The following KIZ variants were observed in gnomAD, a reference collection of about 807,000 sequenced individuals.
KIZ encodes the protein kizuna centrosomal protein, also known as centrosomal protein kizuna.
Under a neutral mutation model 79.6 loss-of-function variants are expected in KIZ, and 68 were observed. That is an observed-to-expected ratio of 0.85 (90% CI 0.70 to 1.05). KIZ has a LOEUF of 1.05. KIZ is among the 50% of genes least tolerant of loss of function. The pLI is 0.00. For missense variants in KIZ, 797 were observed against 800.4 expected, an observed-to-expected ratio of 1.00 and a Z score of 0.05; for synonymous variants, 280 against 281.8, an observed-to-expected ratio of 0.99 and a Z score of 0.06.
rs1395252911 is a variant in KIZ, at chr20:21,132,086, T to C, written c.90-11T>C. The C allele has an allele frequency of 2.6e-6, 3 of 1,145,424 alleles. No homozygotes were observed. Among genetic ancestry groups the C allele is most frequent in the Non-Finnish European group, 3.8e-6 (3 of 786,886 alleles). 71.0% of individuals were successfully genotyped at this position (1,145,424 alleles called of 1,614,324 possible). On this transcript the variant is annotated splice_polypyrimidine_tract_variant and intron_variant, in intron 1 of 12. Coordinates refer to ENST00000619189, the MANE Select transcript of KIZ (RefSeq NM_018474.6). ...ATCATGTAATTACTTATAAAATGTT[T>C]TTTATTATAGTGAAAAGAAGAGATT...
chr20:21,222,076 A>G (rs941114709), intron 9 of KIZ, among the ~76,000 whole-genome samples: 2 of 152,256 alleles, frequency 1.3e-5, no homozygotes, highest in Admixed American at 6.5e-5. Context: ...GCCAGGGGTC[A>G]GCCTGCTGGG....
At chr20:21,181,791 C>A (rs1432883855) in intron 6 of KIZ, among the ~76,000 whole-genome samples, 1 of 152,144 alleles carries the variant, frequency 6.6e-6, no homozygotes, top group Non-Finnish European at 1.5e-5. Context: ...AGTTTTCTGG[C>A]ATTGTTGAAC....
chr20:21,182,240 C>T (rs773187545), intron 6 of KIZ, among the ~76,000 whole-genome samples: 11 of 152,084 alleles, frequency 7.2e-5, no homozygotes, highest in Non-Finnish European at 1.2e-4. Flanking sequence ...AGCTCTGTCT[C>T]GCCCCCACCG....
intron 4 of KIZ, among the ~76,000 whole-genome samples, chr20:21,152,076 T>C (rs1392875135): frequency 1.3e-5 from 2 of 152,126 alleles, no homozygotes; most frequent in Non-Finnish European, 2.9e-5. Flanking sequence ...GAGAGTTGCT[T>C]ACAACATGCT....
rs373404007 is a variant in KIZ at position 21,184,505 on chromosome 20, A to G, written c.1353-20986A>G. Among the ~76,000 whole-genome samples, 12 of 152,098 alleles carry G rather than the reference A, an allele frequency of 7.9e-5. No individual in the cohort carries two copies. In the East Asian group the frequency reaches 1.7e-3, roughly 22 times the overall value. ...ATTTCATTCTTCCTTCTTTAGTTCT[A>G]TGTGGCATACTTTCCCTTTAATTAT... On this transcript the variant is annotated intron_variant, in intron 6 of 12. Coordinates refer to ENST00000619189, the MANE Select transcript of KIZ (RefSeq NM_018474.6).
chr20:21,196,938 A>G (rs1411443852), intron 6 of KIZ: 1 of 152,220 alleles, frequency 6.6e-6, no homozygotes. Flanking sequence ...GCCATCAACT[A>G]GGTCCAGTAA....
intron 1 of KIZ, among the ~76,000 whole-genome samples, chr20:21,130,218 A>G (rs2031754667): frequency 6.6e-6 from 1 of 151,984 alleles, no homozygotes; most frequent in Non-Finnish European, 1.5e-5. Context: ...CCTGTCTTTC[A>G]TGTTCCTGAC....
At chr20:21,151,320 T>G (rs1162828339) in intron 4 of KIZ, 1 of 152,130 alleles carries the variant, frequency 6.6e-6, no homozygotes, top group African/African-American at 2.4e-5. Context: ...GACAGTATTT[T>G]TATAACTTAC....
At chr20:21,135,651 G>T (rs963863698) in intron 2 of KIZ, among the ~76,000 whole-genome samples, 4 of 152,188 alleles carry the variant, frequency 2.6e-5, no homozygotes, top group African/African-American at 9.6e-5. Context: ...GCCAACAATT[G>T]AAATGCTGTA....
intron 2 of KIZ, chr20:21,133,322 A>G (rs968524999): frequency 6.6e-6 from 1 of 152,256 alleles, no homozygotes; most frequent in Non-Finnish European, 1.5e-5. Flanking sequence ...ACAAGAAATC[A>G]GTTGTTTTGT....
intron 4 of KIZ, among the ~76,000 whole-genome samples, chr20:21,145,873 A>G (rs1406084457): frequency 6.6e-6 from 1 of 152,230 alleles, no homozygotes; most frequent in African/African-American, 2.4e-5. Flanking sequence ...GATAGACTCT[A>G]AAGAAAACCT....
intron 6 of KIZ, chr20:21,166,293 A>G: frequency 1.3e-5 from 21 of 1,602,386 alleles, no homozygotes; most frequent in Non-Finnish European, 1.8e-5. Context: ...TTGTCAGTAC[A>G]ATGAAACCAA....
chr20:21,179,009 A>G (rs2034542863), intron 6 of KIZ, among the ~76,000 whole-genome samples: 2 of 152,212 alleles, frequency 1.3e-5, no homozygotes, highest in East Asian at 1.9e-4. Flanking sequence ...TATATTCATT[A>G]GGCATATTGG....
At chr20:21,190,818 ATGTTTTT>A (rs1256603015) in intron 6 of KIZ, among the ~76,000 whole-genome samples, 1 of 152,240 alleles carries the variant, frequency 6.6e-6, no homozygotes, top group African/African-American at 2.4e-5. Flanking sequence ...TCCAGACCAT[ATGTTTTT>A]AAAGATCAAA....
At chr20:21,132,055 T>TTACATA in intron 1 of KIZ, 42 bp from the exon 2 acceptor site, 1 of 835,776 alleles carries the variant, frequency 1.2e-6, no homozygotes, top group Non-Finnish European at 2.0e-6. Context: ...CAACTCCCTG[T>TTACATA]TACTTATCAT....
At chr20:21,240,453 A>G (rs2123501497) in intron 11 of KIZ, among the ~76,000 whole-genome samples, 1 of 152,374 alleles carries the variant, frequency 6.6e-6, no homozygotes, top group Non-Finnish European at 1.5e-5. Context: ...GAACATGGTT[A>G]TATTTTAATT....
At chr20:21,224,657 T>G (rs1477844835) in intron 9 of KIZ, among the ~76,000 whole-genome samples, 2 of 152,200 alleles carry the variant, frequency 1.3e-5, no homozygotes, top group Admixed American at 6.5e-5. Flanking sequence ...TGAGCCCAAC[T>G]CTTCTTTTTT....
chr20:21,214,793 G>C (rs542945044), intron 8 of KIZ, 93 bp downstream of exon 8: 54 of 726,100 alleles, frequency 7.4e-5, no homozygotes, highest in Middle Eastern at 4.9e-4. Flanking sequence ...TCACTGACTA[G>C]TGAATACCTC....
chr20:21,179,264 A>T (rs1600467740), intron 6 of KIZ, among the ~76,000 whole-genome samples: 1 of 134,988 alleles, frequency 7.4e-6, no homozygotes, highest in Non-Finnish European at 1.6e-5. Context: ...TCTCCTTACT[A>T]GTTTTAGGTC....
Sources: allele counts gnomAD v4.1 joint callset (sites outside exome capture counted in the v4.1 genomes callset), GRCh38; gene constraint gnomAD v4.1.1; transcripts MANE v1.5; gene names NCBI Gene and HGNC (gene_info 2026-07-23, HGNC 2026-07-21).